The following UBASH3A variants were observed in gnomAD, a reference collection of about 807,000 sequenced individuals.
The protein encoded by UBASH3A is ubiquitin associated and SH3 domain containing A.
A neutral mutation model predicts 73.5 loss-of-function variants in UBASH3A; 63 were observed. The ratio of observed to expected loss-of-function variants is 0.86; its 90% CI spans 0.70 to 1.06. UBASH3A has a LOEUF of 1.06. Ranked by LOEUF, UBASH3A falls within the 50% of genes least tolerant of loss-of-function variation. UBASH3A has a pLI of 0.00. For missense variants in UBASH3A, 860 were observed against 859.0 expected (o/e 1.00, Z -0.02); for synonymous variants, 363 against 351.1 (o/e 1.03, Z -0.38).
In UBASH3A at chr21:42,444,685, ATCCCGAAGACACAGGTTTATC is replaced by A. The variant is rs772904236; in HGVS notation, c.1848+45_1848+65del. 40 of 1,450,602 alleles carry A rather than the reference ATCCCGAAGACACAGGTTTATC, an allele frequency of 2.8e-5. No homozygotes were observed. In the African/African-American group the frequency reaches 4.5e-4, roughly 16 times the overall value. 89.9% of individuals were successfully genotyped at this position (1,450,602 alleles called of 1,614,324 possible). A position where few individuals can be genotyped will look rare whatever the true frequency, so the allele number is the denominator to read the frequency against. On this transcript the variant is annotated intron_variant, in intron 14 of 14. Transcript: ENST00000319294. The stretch of plus-strand genomic sequence containing the variant: ...GGCTCTTTGGGCCACAAAATCAAGC[ATCCCGAAGACACAGGTTTATC>A]TCATCCACTTCTCGGAATGAAAACA...
At chr21:42,417,308 C>T (rs1420933294) in intron 6 of UBASH3A, among the ~76,000 whole-genome samples, 1 of 150,946 alleles carries the variant, frequency 6.6e-6, no homozygotes. Context: ...CCTGTAATCC[C>T]AGCTACTCGG....
intron 7 of UBASH3A, among the ~76,000 whole-genome samples, chr21:42,419,603 G>T (rs2053293610): frequency 6.6e-6 from 1 of 152,222 alleles, no homozygotes. Flanking sequence ...TGTTCATGGT[G>T]ATTTGGGCTT....
At chr21:42,433,893 T>C (rs2053581061) in intron 9 of UBASH3A, among the ~76,000 whole-genome samples, 1 of 151,932 alleles carries the variant, frequency 6.6e-6, no homozygotes, top group Admixed American at 6.6e-5. Context: ...TATTCTGGGG[T>C]GCAAAGGGCA....
intron 5 of UBASH3A, among the ~76,000 whole-genome samples, chr21:42,414,253 G>A (rs964617664): frequency 2.6e-5 from 4 of 152,322 alleles, no homozygotes; most frequent in East Asian, 1.9e-4. Flanking sequence ...ATCCTGGCCT[G>A]TAAATCCATC....
chr21:42,436,022 G>C (rs900653589), intron 10 of UBASH3A, among the ~76,000 whole-genome samples: 2 of 150,234 alleles, frequency 1.3e-5, no homozygotes, highest in African/African-American at 4.9e-5. Context: ...TAGAGTTATA[G>C]AGTCATAAAA....
intron 6 of UBASH3A, among the ~76,000 whole-genome samples, chr21:42,417,946 G>A (rs895373700): frequency 7.5e-6 from 1 of 133,256 alleles, no homozygotes; most frequent in African/African-American, 2.8e-5. Flanking sequence ...GCAGTGGAGT[G>A]ATCTGCGCCC....
At chr21:42,414,655 G>A (rs970181524) in intron 5 of UBASH3A, among the ~76,000 whole-genome samples, 6 of 152,156 alleles carry the variant, frequency 3.9e-5, no homozygotes, top group Non-Finnish European at 7.4e-5. Context: ...GCCATGTGCC[G>A]ACTGAGGCAG....
chr21:42,445,826 A>G (rs2053834318), intron 14 of UBASH3A, among the ~76,000 whole-genome samples: 1 of 152,114 alleles, frequency 6.6e-6, no homozygotes, highest in Non-Finnish European at 1.5e-5. Flanking sequence ...CCAGGTGAGC[A>G]TTGTCCAAAT....
At chr21:42,426,392 A>G (rs967917358) in intron 7 of UBASH3A, among the ~76,000 whole-genome samples, 3 of 152,196 alleles carry the variant, frequency 2.0e-5, no homozygotes, top group Non-Finnish European at 2.9e-5. Context: ...ATCTCATTCT[A>G]AAAAAATACC....
chr21:42,421,177 A>G (rs569688929), intron 7 of UBASH3A, among the ~76,000 whole-genome samples: 3 of 152,360 alleles, frequency 2.0e-5, no homozygotes, highest in South Asian at 2.1e-4. Flanking sequence ...CAGAGTACAC[A>G]TGGTGAAAAA....
chr21:42,446,449 C>T (rs1044520520), intron 14 of UBASH3A, among the ~76,000 whole-genome samples: 1 of 152,184 alleles, frequency 6.6e-6, no homozygotes. Context: ...CTCAGACCCC[C>T]CTGCCAGTTG....
intron 9 of UBASH3A, among the ~76,000 whole-genome samples, chr21:42,433,175 A>G (rs2053565838): frequency 6.6e-6 from 1 of 152,248 alleles, no homozygotes; most frequent in Non-Finnish European, 1.5e-5. Context: ...AAGGCACTGG[A>G]AATCCCCATC....
chr21:42,436,278 T>C (rs918434044), intron 10 of UBASH3A, among the ~76,000 whole-genome samples: 2 of 152,158 alleles, frequency 1.3e-5, no homozygotes, highest in East Asian at 1.9e-4. Flanking sequence ...GAGTTAGTTA[T>C]AGAGCTATAG....
rs76831830 is a variant in UBASH3A at position 42,445,151 on chromosome 21, G to A, written c.1848+508G>A. ...TTGTGAATGACAAACAGAGGATAAC[G>A]CACACGTGACATCTTGGACAACCTT... On this transcript the variant is annotated intron_variant, in intron 14 of 14. Coordinates refer to ENST00000319294, the MANE Select transcript of UBASH3A (RefSeq NM_018961.4). Among the ~76,000 whole-genome samples, 13 of 152,314 alleles carry A rather than the reference G, an allele frequency of 8.5e-5. No homozygotes were observed. The East Asian group carries it at 1.9e-3, about 23-fold the overall frequency.
intron 7 of UBASH3A, among the ~76,000 whole-genome samples, chr21:42,419,619 G>A (rs1333018277): frequency 1.3e-5 from 2 of 152,204 alleles, no homozygotes; most frequent in African/African-American, 4.8e-5. Flanking sequence ...GGCTTTCTCT[G>A]CTGTGCTACT....
rs2146476403 is a variant in UBASH3A at position 42,404,019 on chromosome 21, T to C, written c.74T>C (p.Leu25Pro). The C allele has an allele frequency of 2.0e-6, 3 of 1,526,584 alleles. No individual in the cohort carries two copies. Among genetic ancestry groups the C allele is most frequent in the Middle Eastern group, 1.9e-4 (1 of 5,244 alleles). 94.6% of individuals were successfully genotyped at this position (1,526,584 alleles called of 1,614,324 possible). The change falls in exon 1 of 15, where the codon CTG becomes CCG. Residue 25 changes from leucine (L) to proline (P), a missense_variant. Leu to Pro is a moderately conservative substitution (Grantham distance 98). Coordinates refer to ENST00000319294, the MANE Select transcript of UBASH3A (RefSeq NM_018961.4). ...AAGAGCCGCAGCAGCCCCTCGCTCC[T>C]GGAGCCCCTCCTGGCCATGGGCTTC... ...KLKSRSSPSL[L>P]EPLLAMGFPV...
chr21:42,404,628 G>A (rs964357963), intron 1 of UBASH3A, among the ~76,000 whole-genome samples: 2 of 152,194 alleles, frequency 1.3e-5, no homozygotes, highest in African/African-American at 2.4e-5. Flanking sequence ...CTCTGAAAGT[G>A]GCGTTTCAAG....
chr21:42,416,700 C>A (rs1265711095), intron 6 of UBASH3A, 89 bp downstream of exon 6: 9 of 1,267,700 alleles, frequency 7.1e-6, no homozygotes, highest in African/African-American at 3.1e-5. Flanking sequence ...TTTGGGAGGC[C>A]GAGGCGGCGG....
chr21:42,433,087 A>T (rs890010845), intron 9 of UBASH3A, among the ~76,000 whole-genome samples: 2 of 151,918 alleles, frequency 1.3e-5, no homozygotes, highest in Non-Finnish European at 2.9e-5. Context: ...AAAAATAGTT[A>T]TTGAACTTCA....
Sources: gnomAD v4.1 joint callset for allele counts (sites outside exome capture counted in the v4.1 genomes callset) on GRCh38, gnomAD v4.1.1 for gene constraint, MANE v1.5 for transcripts, NCBI Gene and HGNC (gene_info 2026-07-23, HGNC 2026-07-21) for gene names.